Variants in AKR1C3 observed in about 807,000 individuals in gnomAD.
The protein encoded by AKR1C3 is aldo-keto reductase family 1 member C3, also known as 3-alpha hydroxysteroid dehydrogenase, type II.
In AKR1C3, 48 loss-of-function variants were observed where a neutral mutation model predicts 43.6. The ratio of observed to expected loss-of-function variants is 1.10; its 90% CI spans 0.87 to 1.40. The LOEUF (loss-of-function observed/expected upper bound fraction) is 1.40. AKR1C3 is among the 40% of genes most tolerant of loss of function. The probability of loss-of-function intolerance (pLI) is 0.00; values close to 1 mark genes in which losing one functional copy is unlikely to be tolerated. For synonymous variants in AKR1C3, 162 were observed against 139.6 expected (o/e 1.16, Z -1.13); for missense variants, 482 against 391.2 (o/e 1.23, Z -1.96).
At chr10:5,069,176 G>A (rs920837576) in intron 1 of AKR1C3, among the ~76,000 whole-genome samples, 17 of 152,284 alleles carry the variant, frequency 1.1e-4, no homozygotes, top group South Asian at 6.2e-4. Flanking sequence ...TGCACAGAGC[G>A]AAAGAGACCA....
At chr10:5,100,388 CTA>C (rs1839318085) in intron 5 of AKR1C3, among the ~76,000 whole-genome samples, 1 of 152,210 alleles carries the variant, frequency 6.6e-6, no homozygotes, top group Non-Finnish European at 1.5e-5. Context: ...TAGACCTGAC[CTA>C]TCACTGCCCA....
chr10:5,049,248 C>T (rs1209817173), intron 1 of AKR1C3, among the ~76,000 whole-genome samples: 1 of 152,170 alleles, frequency 6.6e-6, no homozygotes, highest in African/African-American at 2.4e-5. Flanking sequence ...TTTCCTTCTA[C>T]ACTGAAGAAA....
At chr10:5,052,878 A>G (rs1399179160) in intron 1 of AKR1C3, among the ~76,000 whole-genome samples, 7 of 146,508 alleles carry the variant, frequency 4.8e-5, no homozygotes, top group African/African-American at 1.9e-4. Flanking sequence ...CTAGATACAG[A>G]GTGCCGATTG....
At chr10:5,066,586 T>TCCCA (rs1838507119) in intron 1 of AKR1C3, among the ~76,000 whole-genome samples, 2 of 152,282 alleles carry the variant, frequency 1.3e-5, no homozygotes, top group Non-Finnish European at 2.9e-5. Context: ...TTATTATGAC[T>TCCCA]ATTGGGAGCA....
intron 1 of AKR1C3, among the ~76,000 whole-genome samples, chr10:5,075,426 C>G (rs781936928): frequency 6.6e-6 from 1 of 151,996 alleles, no homozygotes; most frequent in African/African-American, 2.4e-5. Context: ...GCCATGGCCC[C>G]CCTTGAGTGA....
At chr10:5,105,724 G>C in intron 8 of AKR1C3, 47 bp downstream of exon 8, 4 of 1,472,392 alleles carry the variant, frequency 2.7e-6, no homozygotes, top group South Asian at 2.3e-5. Context: ...TCTGGAGAAG[G>C]AATGTAGGAT....
chr10:5,061,727 T>C (rs1416270042), intron 1 of AKR1C3, among the ~76,000 whole-genome samples: 1 of 152,184 alleles, frequency 6.6e-6, no homozygotes, highest in Non-Finnish European at 1.5e-5. Context: ...AAGACACCAT[T>C]GACTGATCAG....
At chr10:5,088,133 A>G (rs187374172) in intron 1 of AKR1C3, among the ~76,000 whole-genome samples, 1 of 152,106 alleles carries the variant, frequency 6.6e-6, no homozygotes, top group South Asian at 2.1e-4. Flanking sequence ...TAGCTTTGAG[A>G]GTTCCTCTTG....
intron 1 of AKR1C3, among the ~76,000 whole-genome samples, chr10:5,078,236 C>T (rs1838756486): frequency 1.3e-5 from 2 of 152,144 alleles, no homozygotes; most frequent in Admixed American, 1.3e-4. Flanking sequence ...CCAGCCTGGC[C>T]AACCTCGTCT....
intron 7 of AKR1C3, among the ~76,000 whole-genome samples, chr10:5,104,258 C>T (rs1467844899): frequency 1.3e-5 from 2 of 151,996 alleles, no homozygotes; most frequent in African/African-American, 4.8e-5. Flanking sequence ...GTTGTAAATT[C>T]AAATGAATTT....
chr10:5,050,473 G>A (rs1219583163), intron 1 of AKR1C3, among the ~76,000 whole-genome samples: 1 of 152,192 alleles, frequency 6.6e-6, no homozygotes, highest in African/African-American at 2.4e-5. Flanking sequence ...TGTAATGAGG[G>A]AAAACAGAAG....
chr10:5,082,546 T>A (rs1838860358), intron 1 of AKR1C3, among the ~76,000 whole-genome samples: 1 of 152,156 alleles, frequency 6.6e-6, no homozygotes. Flanking sequence ...GATGATCATT[T>A]TTTTTTTGCT....
At chr10:5,075,199 C>T (rs1554781687) in intron 1 of AKR1C3, among the ~76,000 whole-genome samples, 1 of 143,440 alleles carries the variant, frequency 7.0e-6, no homozygotes, top group African/African-American at 2.5e-5. Context: ...GTCCCTCTCT[C>T]ATTTTTTTTT....
chr10:5,106,581 T>A (rs1478895975), intron 8 of AKR1C3, among the ~76,000 whole-genome samples: 1 of 152,068 alleles, frequency 6.6e-6, no homozygotes, highest in African/African-American at 2.4e-5. Context: ...TGAAACCCTG[T>A]CTCTACTAAA....
intron 1 of AKR1C3, among the ~76,000 whole-genome samples, chr10:5,087,673 T>C (rs72772200): frequency 0.062 from 9,454 of 152,076 alleles, 345 homozygotes; most frequent in Middle Eastern, 0.085. Context: ...TTGTCCAGCC[T>C]CACCTTTATC....
chr10:5,092,365 C>T (rs1839112152), upstream of AKR1C3, among the ~76,000 whole-genome samples: 1 of 151,986 alleles, frequency 6.6e-6, no homozygotes. Flanking sequence ...GTTTTCACCA[C>T]ATAATCTCTC....
upstream of AKR1C3, among the ~76,000 whole-genome samples, chr10:5,091,097 C>T (rs569786975): frequency 6.6e-6 from 1 of 151,238 alleles, no homozygotes; most frequent in South Asian, 2.1e-4. Flanking sequence ...TAAAGGGGAC[C>T]AGACGATTGA....
At chr10:5,071,133 T>C (rs1019360294) in intron 1 of AKR1C3, among the ~76,000 whole-genome samples, 4 of 152,204 alleles carry the variant, frequency 2.6e-5, no homozygotes, top group African/African-American at 9.7e-5. Flanking sequence ...TTTATGTTGC[T>C]ATAACAAAAT....
At chr10:5,083,739 G>C (rs1364743106) in intron 1 of AKR1C3, among the ~76,000 whole-genome samples, 1 of 152,176 alleles carries the variant, frequency 6.6e-6, no homozygotes, top group Non-Finnish European at 1.5e-5. Flanking sequence ...TCCAGCACCT[G>C]TTGTTTCCTG....
Sources: gnomAD v4.1 joint callset for allele counts (sites outside exome capture counted in the v4.1 genomes callset) on GRCh38, gnomAD v4.1.1 for gene constraint, MANE v1.5 for transcripts, NCBI Gene and HGNC (gene_info 2026-07-23, HGNC 2026-07-21) for gene names.